Variants in BTG4 observed in about 807,000 individuals in gnomAD.
The protein encoded by BTG4 is BTG anti-proliferation factor 4, also known as protein BTG4.
Under a neutral mutation model 19.3 loss-of-function variants are expected in BTG4, and 10 were observed. The ratio of observed to expected loss-of-function variants is 0.52; its 90% confidence interval spans 0.32 to 0.88. The LOEUF (loss-of-function observed/expected upper bound fraction) is 0.88, where lower values mean the gene tolerates loss of function less well. BTG4 is among the 40% of genes least tolerant of loss of function. BTG4 has a pLI of 0.04. For synonymous variants in BTG4, 91 were observed against 95.7 expected, an observed-to-expected ratio of 0.95 and a Z score of 0.29; for missense variants, 238 against 281.9, an observed-to-expected ratio of 0.84 and a Z score of 1.11.
At chr11:111,441,462 C>G in the BTG4 span, among the ~76,000 whole-genome samples, 10 of 152,170 alleles carry the variant, frequency 6.6e-5, no homozygotes, top group African/African-American at 2.2e-4. Flanking sequence ...AATACACCAC[C>G]CTTCTTCTTT....
Position 111,497,323 on chromosome 11 carries a change from G to A in BTG4, c.398C>T (p.Ala133Val). 6 of 1,583,088 alleles carry A rather than the reference G, an allele frequency of 3.8e-6. No individual in the cohort carries two copies. The highest frequency in any genetic ancestry group is 5.1e-6 in the Non-Finnish European group (6 of 1,168,812). Reference sequence around the variant, plus strand: ...AACGTCTGATGAGGCTCTACTAACGGCATAACTGATTTGTTGATATAGTTC... The same window carrying A: ...AACGTCTGATGAGGCTCTACTAACGACATAACTGATTTGTTGATATAGTTC... ...EWELYQQISY[A>V]VSRASSDVSS... Residue 133 changes from alanine (A) to valine (V), a missense_variant, in exon 4 of 5, where the codon GCC (alanine) becomes GTC (valine). Physicochemically the swap from Ala to Val is moderately conservative, Grantham distance 64. Transcript: ENST00000692032.
chr11:111,474,822 T>A (rs2135546570), intron 5 of BTG4, among the ~76,000 whole-genome samples: 1 of 152,328 alleles, frequency 6.6e-6, no homozygotes, highest in South Asian at 2.1e-4. Flanking sequence ...TACATCTTTT[T>A]TACTGTTTTC....
chr11:111,497,346 T>C lies in BTG4; in HGVS notation c.375A>G (p.Glu125=). Reference sequence around the variant, plus strand: ...CGGCATAACTGATTTGTTGATATAGTTCCCATTCCTCCCATCTGCCTTTAA... The same window carrying C: ...CGGCATAACTGATTTGTTGATATAGCTCCCATTCCTCCCATCTGCCTTTAA... ...ASFKGRWEEW[E]LYQQISYAVS... The change falls in exon 4 of 5, where the codon GAA becomes GAG. Residue 125 remains glutamate, a synonymous_variant. Coordinates refer to ENST00000692032, the MANE Select transcript of BTG4 (RefSeq NM_001367975.1). 1.3e-6 allele frequency: 2 copies of C among 1,508,338 alleles called. No individual in the cohort carries two copies. The highest frequency in any genetic ancestry group is 1.8e-6 in the Non-Finnish European group (2 of 1,129,378). 93.4% of individuals were successfully genotyped at this position (1,508,338 alleles called of 1,614,324 possible).
chr11:111,407,661 A>T, the BTG4 span, among the ~76,000 whole-genome samples: 1 of 152,252 alleles, frequency 6.6e-6, no homozygotes, highest in South Asian at 2.1e-4. Flanking sequence ...ACAGAGCGAG[A>T]CTCCATCAAA....
At chr11:111,491,431 A>C (rs1865408016), downstream of BTG4, among the ~76,000 whole-genome samples, 1 of 152,162 alleles carries the variant, frequency 6.6e-6, no homozygotes. Context: ...TGAATTTATA[A>C]TTACCTCAAG....
Position 111,495,137 on chromosome 11 carries a change from A to G in BTG4, c.688T>C (p.Ter230ArgextTer21), listed in dbSNP as rs754863791. ...CCACCACGTGCCCAGTCGCTGCGTCATCGGTGTGTGTTGACCCAGTGGTAC... is the reference window on the plus strand; with the variant it reads ...CCACCACGTGCCCAGTCGCTGCGTCGTCGGTGTGTGTTGACCCAGTGGTAC... Reference protein sequence around the residue: ...DRYHWVNTHR* With the variant: ...DRYHWVNTHRR The change falls in exon 5 of 5, where the codon TGA becomes CGA. Residue 230 changes from the stop codon to arginine, a stop_lost. Coordinates refer to ENST00000692032, the MANE Select transcript of BTG4 (RefSeq NM_001367975.1). 6 of 1,535,604 alleles carry G rather than the reference A, an allele frequency of 3.9e-6. No homozygotes were observed. The highest frequency in any genetic ancestry group is 5.2e-6 in the Non-Finnish European group (6 of 1,143,322).
the BTG4 span, among the ~76,000 whole-genome samples, chr11:111,398,391 C>T: frequency 6.6e-6 from 1 of 152,214 alleles, no homozygotes; most frequent in East Asian, 1.9e-4. Flanking sequence ...CATCAGATTG[C>T]TAGGCCTCAC....
chr11:111,437,970 A>T, the BTG4 span, among the ~76,000 whole-genome samples: 2 of 152,084 alleles, frequency 1.3e-5, no homozygotes, highest in Non-Finnish European at 2.9e-5. Flanking sequence ...ATAGCCCCCC[A>T]AGCAGAGGGG....
chr11:111,502,642 T>C (rs1176901987), intron 1 of BTG4, among the ~76,000 whole-genome samples: 1 of 152,108 alleles, frequency 6.6e-6, no homozygotes, highest in African/African-American at 2.4e-5. Flanking sequence ...AAACACAAAA[T>C]TTTTTTTCTT....
chr11:111,479,578 T>C (rs1029412376), intron 5 of BTG4, among the ~76,000 whole-genome samples: 1 of 152,010 alleles, frequency 6.6e-6, no homozygotes, highest in Non-Finnish European at 1.5e-5. Context: ...GGAAGTGAAA[T>C]TATGGATAAA....
the BTG4 span, among the ~76,000 whole-genome samples, chr11:111,427,647 A>G: frequency 1.4e-4 from 22 of 152,152 alleles, no homozygotes; most frequent in Admixed American, 6.6e-4. Flanking sequence ...GATGAAAAAC[A>G]TGTTTGGTAA....
chr11:111,506,725 C>T (rs1866478941), intron 1 of BTG4, among the ~76,000 whole-genome samples: 1 of 151,952 alleles, frequency 6.6e-6, no homozygotes, highest in South Asian at 2.1e-4. Context: ...GCACTCTATA[C>T]CATTATAATA....
chr11:111,391,242 G>C, the BTG4 span, among the ~76,000 whole-genome samples: 8 of 152,262 alleles, frequency 5.3e-5, no homozygotes, highest in African/African-American at 1.9e-4. Flanking sequence ...GCTGGTTTTT[G>C]AAGACAATGG....
downstream of BTG4, among the ~76,000 whole-genome samples, chr11:111,493,362 G>A (rs769292107): frequency 6.6e-6 from 1 of 152,236 alleles, no homozygotes; most frequent in Non-Finnish European, 1.5e-5. Context: ...CAATAATCAG[G>A]TAACTAATGA....
At chr11:111,439,603 T>A in the BTG4 span, among the ~76,000 whole-genome samples, 55,314 of 151,462 alleles carry the variant, frequency 0.37, 10,150 homozygotes, top group Admixed American at 0.4. Flanking sequence ...ACCTTCCTCT[T>A]CCAGATGCCG....
intron 5 of BTG4, among the ~76,000 whole-genome samples, chr11:111,482,358 C>T (rs1864793571): frequency 6.6e-6 from 1 of 152,024 alleles, no homozygotes; most frequent in Non-Finnish European, 1.5e-5. Context: ...AAATACTCAA[C>T]ATAGTAGAGA....
At chr11:111,467,790 C>T (rs1863809585) in intron 5 of BTG4, 2 of 633,614 alleles carry the variant, frequency 3.2e-6, no homozygotes, top group Non-Finnish European at 5.6e-6. Flanking sequence ...TTAGCTAAGG[C>T]ATAATAAATG....
At chr11:111,393,748 T>C in the BTG4 span, among the ~76,000 whole-genome samples, 2 of 152,216 alleles carry the variant, frequency 1.3e-5, no homozygotes, top group African/African-American at 4.8e-5. Context: ...CTCCACTTTA[T>C]GCTGATTGAA....
chr11:111,478,879 T>C (rs1179595605), intron 5 of BTG4, among the ~76,000 whole-genome samples: 1 of 151,836 alleles, frequency 6.6e-6, no homozygotes, highest in African/African-American at 2.4e-5. Flanking sequence ...TATGGTACTA[T>C]AGCAAAAGAT....
Sources: gnomAD v4.1 joint callset for allele counts (sites outside exome capture counted in the v4.1 genomes callset) on GRCh38, gnomAD v4.1.1 for gene constraint, MANE v1.5 for transcripts, NCBI Gene and HGNC (gene_info 2026-07-23, HGNC 2026-07-21) for gene names.